Variants in ASIC2 observed in about 807,000 individuals in gnomAD.
ASIC2 encodes acid-sensing ion channel 2.
A neutral mutation model predicts 57.3 loss-of-function variants in ASIC2; 25 were observed. That is an observed-to-expected ratio of 0.44 (90% CI 0.32 to 0.61). The LOEUF (loss-of-function observed/expected upper bound fraction) is 0.61. Ranked by LOEUF, ASIC2 falls within the 20% of genes least tolerant of loss-of-function variation. The probability of loss-of-function intolerance (pLI) is 0.06; values close to 1 mark genes in which losing one functional copy is unlikely to be tolerated. For synonymous variants in ASIC2, 319 were observed against 307.5 expected (o/e 1.04, Z -0.39); for missense variants, 641 against 738.1 (o/e 0.87, Z 1.52).
intron 1 of ASIC2, among the ~76,000 whole-genome samples, chr17:33,779,078 G>C (rs1261239243): frequency 2.0e-5 from 3 of 152,096 alleles, no homozygotes. Context: ...TGTCATAGGG[G>C]CCCAGACCAC....
intron 1 of ASIC2, among the ~76,000 whole-genome samples, chr17:33,236,654 T>C (rs547214259): frequency 6.6e-6 from 1 of 152,206 alleles, no homozygotes; most frequent in East Asian, 1.9e-4. Flanking sequence ...AAATAGGGTC[T>C]TTAGAGATGT....
intron 1 of ASIC2, among the ~76,000 whole-genome samples, chr17:33,920,536 T>C (rs1915686916): frequency 6.6e-6 from 1 of 151,914 alleles, no homozygotes; most frequent in African/African-American, 2.4e-5. Context: ...GTGGGAACAA[T>C]AGACAGTGGG....
At chr17:33,310,231 G>A (rs139054484) in intron 1 of ASIC2, among the ~76,000 whole-genome samples, 2 of 151,880 alleles carry the variant, frequency 1.3e-5, no homozygotes, top group African/African-American at 4.8e-5. Context: ...AGGGCAAAGT[G>A]GTACTTAGAA....
intron 1 of ASIC2, among the ~76,000 whole-genome samples, chr17:33,934,575 C>T (rs1439286121): frequency 6.6e-6 from 1 of 152,146 alleles, no homozygotes; most frequent in Admixed American, 6.5e-5. Context: ...CCTGACACAC[C>T]CCGTGGGATG....
At chr17:33,929,060 C>G (rs2881844) in intron 1 of ASIC2, among the ~76,000 whole-genome samples, 104,709 of 151,962 alleles carry the variant, frequency 0.69, 36,227 homozygotes, top group African/African-American at 0.74. Context: ...CTGCCTTAAC[C>G]AGGGTGCACA....
At chr17:33,248,840 C>T (rs1268466694) in intron 1 of ASIC2, among the ~76,000 whole-genome samples, 1 of 152,216 alleles carries the variant, frequency 6.6e-6, no homozygotes, top group African/African-American at 2.4e-5. Flanking sequence ...GTTTGTCCAT[C>T]TCAAGTTCCT....
chr17:33,865,858 A>T (rs977604668), intron 1 of ASIC2, among the ~76,000 whole-genome samples: 3 of 151,954 alleles, frequency 2.0e-5, no homozygotes, highest in Non-Finnish European at 4.4e-5. Flanking sequence ...AATAATATAT[A>T]GACTTTTACC....
intron 1 of ASIC2, among the ~76,000 whole-genome samples, chr17:33,972,091 G>T (rs549905816): frequency 6.6e-5 from 10 of 152,130 alleles, no homozygotes; most frequent in Non-Finnish European, 1.5e-4. Context: ...GTCTTCAAAG[G>T]TTGAATAATG....
chr17:33,194,882 T>C (rs1410224107), intron 1 of ASIC2, among the ~76,000 whole-genome samples: 1 of 152,184 alleles, frequency 6.6e-6, no homozygotes, highest in Non-Finnish European at 1.5e-5. Flanking sequence ...CACAGTGAGC[T>C]GCAAAGCCTA....
chr17:33,984,010 G>C (rs1158370386), intron 1 of ASIC2, among the ~76,000 whole-genome samples: 1 of 152,146 alleles, frequency 6.6e-6, no homozygotes, highest in African/African-American at 2.4e-5. Flanking sequence ...GTTGTCACTA[G>C]TTCTGGTTTT....
Position 33,070,341 on chromosome 17 carries a change from C to CTTT in ASIC2, c.987+18519_987+18521dup, listed in dbSNP as rs56177718. ...AAAGTAACCACAGTTTTCGCCATTACTTTTTTTTTTTTTTTGAGACAGAGT... is the reference window on the plus strand; with the variant it reads ...AAAGTAACCACAGTTTTCGCCATTACTTTTTTTTTTTTTTTTTTGAGACAGAGT... On this transcript the variant is annotated intron_variant, in intron 3 of 9. Transcript: ENST00000225823. 1.9e-3 allele frequency among the ~76,000 whole-genome samples: 274 copies of CTTT among 143,162 alleles called. 1 individual carries two copies. The highest frequency in any genetic ancestry group is 6.7e-3 in the African/African-American group (259 of 38,816). 93.9% of individuals were successfully genotyped at this position (143,162 alleles called of 152,430 possible). A position where few individuals can be genotyped will look rare whatever the true frequency, so the allele number is the denominator to read the frequency against.
intron 1 of ASIC2, among the ~76,000 whole-genome samples, chr17:33,941,063 T>G (rs985353524): frequency 1.3e-5 from 2 of 152,220 alleles, no homozygotes; most frequent in African/African-American, 4.8e-5. Context: ...AAGATCTTCC[T>G]GGATGTTGTG....
chr17:33,395,964 A>T (rs1459986634), intron 1 of ASIC2, among the ~76,000 whole-genome samples: 1 of 152,218 alleles, frequency 6.6e-6, no homozygotes, highest in Non-Finnish European at 1.5e-5. Context: ...CCTGATTCAC[A>T]GTAGATGTTT....
Position 33,323,415 on chromosome 17 carries a change from G to C in ASIC2, c.556-211348C>G, listed in dbSNP as rs191630467. ...GAGTCTCACAAATCTAAGGTTGAGT[G>C]AAAGAAGCCAGACACAGGCGGGCAC... On this transcript the variant is annotated intron_variant, in intron 1 of 9. Coordinates refer to the ASIC2 transcript ENST00000359872. Among the ~76,000 whole-genome samples, 433 of 152,268 alleles carry C rather than the reference G, an allele frequency of 2.8e-3. 3 individuals are homozygous for C. The highest frequency in any genetic ancestry group is 9.5e-3 in the African/African-American group (395 of 41,562).
chr17:33,566,715 T>C (rs908264563), intron 1 of ASIC2, among the ~76,000 whole-genome samples: 5 of 152,118 alleles, frequency 3.3e-5, no homozygotes, highest in Admixed American at 1.3e-4. Flanking sequence ...AGGATTCCCT[T>C]TGCCACCCAC....
In ASIC2 at chr17:33,187,262, A is replaced by G. The variant is rs191988865; in HGVS notation, c.709-75195T>C. 6.6e-5 allele frequency among the ~76,000 whole-genome samples: 10 copies of G among 152,314 alleles called. No individual in the cohort carries two copies. The East Asian group carries it at 1.5e-3, about 23-fold the overall frequency. On this transcript the variant is annotated intron_variant, in intron 1 of 9. Coordinates refer to ENST00000225823, the MANE Select transcript of ASIC2 (RefSeq NM_183377.2). ...GAACAACCAACGCTTCAAAAGTTGA[A>G]TGAATTGGATTATGAAGTTTTGCCT...
chr17:33,736,282 G>C (rs1909908498), intron 1 of ASIC2, among the ~76,000 whole-genome samples: 1 of 152,036 alleles, frequency 6.6e-6, no homozygotes, highest in Non-Finnish European at 1.5e-5. Flanking sequence ...TGGGGTCTTG[G>C]TGGGTCAGCA....
Position 33,974,605 on chromosome 17 carries a change from TATCC to T in ASIC2, c.555+181369_555+181372del, listed in dbSNP as rs55947544. 2.1e-3 allele frequency among the ~76,000 whole-genome samples: 306 copies of T among 145,436 alleles called. 2 individuals carry two copies. Among genetic ancestry groups the T allele is most frequent in the South Asian group, 0.015 (64 of 4,272 alleles). ...TGCTGTTAGGTGATAGGAACCTATC[TATCC>T]ATCCATCCATCCATCCATCCATCCA... On this transcript the variant is annotated intron_variant, in intron 1 of 9. Coordinates refer to the ASIC2 transcript ENST00000359872.
At chr17:34,057,921 C>A (rs1908828742) in intron 1 of ASIC2, among the ~76,000 whole-genome samples, 1 of 105,452 alleles carries the variant, frequency 9.5e-6, no homozygotes, top group Admixed American at 8.8e-5. Context: ...TTGTTCCCAC[C>A]TCCTCCTGCA....
Sources: gnomAD v4.1 joint callset for allele counts (sites outside exome capture counted in the v4.1 genomes callset) on GRCh38, gnomAD v4.1.1 for gene constraint, MANE v1.5 for transcripts, NCBI Gene and HGNC (gene_info 2026-07-23, HGNC 2026-07-21) for gene names.